The following ASH1L variants were observed in gnomAD, a reference collection of about 807,000 sequenced individuals.
ASH1L encodes the protein ASH1 like histone lysine methyltransferase, also known as histone-lysine N-methyltransferase ASH1L.
ASH1L carries 23 observed loss-of-function variants against 269.0 expected under a neutral mutation model. The observed-to-expected ratio is 0.09, with a 90% CI of 0.06 to 0.12. The LOEUF (loss-of-function observed/expected upper bound fraction) is 0.12. Among genes scored for constraint, ASH1L ranks in the 10% least tolerant of loss-of-function variants. The probability of loss-of-function intolerance (pLI) is 1.00; values close to 1 mark genes in which losing one functional copy is unlikely to be tolerated. For missense variants in ASH1L, 2,912 were observed against 3,567.8 expected (o/e 0.82, Z 4.68); for synonymous variants, 1,187 against 1,253.5 (o/e 0.95, Z 1.12).
chr1:155,481,946 C>A lies in ASH1L; in HGVS notation c.924G>T (p.Leu308=). The change falls in exon 3 of 28, where the codon CTG becomes CTT. Residue 308 remains leucine (L), a synonymous_variant. Coordinates refer to ENST00000392403, the MANE Select transcript of ASH1L (RefSeq NM_018489.3). ...GLVNKDSVKK[L]GTGTTAVFIN... ...TGAATACCGCTGTAGTGCCAGTTCC[C>A]AGTTTTTTCACAGAGTCCTTATTGA... is the stretch of plus-strand genomic sequence containing the variant. The A allele has an allele frequency of 6.2e-7, 1 of 1,613,904 alleles. No homozygotes were observed. The highest frequency in any genetic ancestry group is 8.5e-7 in the Non-Finnish European group (1 of 1,179,982).
intron 2 of ASH1L, among the ~76,000 whole-genome samples, chr1:155,513,327 G>C (rs1368074966): frequency 6.6e-6 from 1 of 151,970 alleles, no homozygotes; most frequent in African/African-American, 2.4e-5. Context: ...AGCACTTTGG[G>C]AGGCTGAGAC....
chr1:155,418,165 C>T (rs1454528416), intron 5 of ASH1L, among the ~76,000 whole-genome samples: 1 of 151,814 alleles, frequency 6.6e-6, no homozygotes, highest in Non-Finnish European at 1.5e-5. Flanking sequence ...GAAAATGTGA[C>T]CCAGGGGAAA....
At chr1:155,482,938 T>C (rs143969411) in intron 2 of ASH1L, among the ~76,000 whole-genome samples, 15 of 152,340 alleles carry the variant, frequency 9.8e-5, no homozygotes, top group African/African-American at 3.1e-4. Context: ...TCTACTCTTT[T>C]ATAACTCATT....
Position 155,521,491 on chromosome 1 carries a change from C to G in ASH1L, c.29G>C (p.Gly10Ala). The G allele has an allele frequency of 6.2e-7, 1 of 1,613,372 alleles. No individual in the cohort carries two copies. Among genetic ancestry groups the G allele is most frequent in the East Asian group, 2.2e-5 (1 of 44,878 alleles). Residue 10 changes from glycine to alanine, a missense_variant, in exon 2 of 28, where the codon GGA becomes GCA. Coordinates refer to ENST00000392403, the MANE Select transcript of ASH1L (RefSeq NM_018489.3). ...AAAACCTTCGGAATCAGAACCCAAT[C>G]CTAACATAGCAGTATTTCTAGGGTC... is the stretch of plus-strand genomic sequence containing the variant. MDPRNTAML[G>A]LGSDSEGFSR...
rs371954131 is a variant in ASH1L at position 155,349,843 on chromosome 1, G to C, written c.7367-247C>G. The stretch of plus-strand genomic sequence containing the variant: ...AGCGATTCTCCTGCCTCAGCCTCCC[G>C]AGCAGCTGGGACTACAGGCGTGTAC... On this transcript the variant is annotated intron_variant, in intron 17 of 27. Coordinates refer to ENST00000392403, the MANE Select transcript of ASH1L (RefSeq NM_018489.3). 2.3e-4 allele frequency among the ~76,000 whole-genome samples: 34 copies of C among 144,842 alleles called. No individual in the cohort carries two copies. In the East Asian group the frequency reaches 6.9e-3, roughly 29 times the overall value.
chr1:155,541,345 T>A (rs1053740900), intron 1 of ASH1L, among the ~76,000 whole-genome samples: 2 of 152,032 alleles, frequency 1.3e-5, no homozygotes, highest in Non-Finnish European at 2.9e-5. Flanking sequence ...ATTATATAAA[T>A]TTTTCAGTTT....
chr1:155,523,001 G>A (rs1668992301), intron 1 of ASH1L, among the ~76,000 whole-genome samples: 1 of 152,072 alleles, frequency 6.6e-6, no homozygotes, highest in African/African-American at 2.4e-5. Flanking sequence ...AGAGACTAGT[G>A]AATATATTAA....
At position 155,415,832 on chromosome 1, in the gene ASH1L, G is replaced by C. The variant is rs1295749516; in HGVS notation, c.5920C>G (p.Leu1974Val). 2 of 1,613,850 alleles carry C rather than the reference G, an allele frequency of 1.2e-6. No homozygotes were observed. The highest frequency in any genetic ancestry group is 1.7e-6 in the Non-Finnish European group (2 of 1,180,002). ...PESTLQPVLS[L>V]IPREKKPPRP... Reference sequence around the variant, plus strand: ...GGGGGCTTCTTTTCCCTTGGGATGAGAGAAAGCACAGGCTGCAAGGTACTT... The same window carrying C: ...GGGGGCTTCTTTTCCCTTGGGATGACAGAAAGCACAGGCTGCAAGGTACTT... Residue 1974 changes from leucine (L) to valine (V), a missense_variant, in exon 6 of 28, where the codon CTC becomes GTC. This residue lies in a region of ASH1L where 193 missense variants were observed against 311.6 expected (regional missense o/e 0.62). Coordinates refer to ENST00000392403, the MANE Select transcript of ASH1L (RefSeq NM_018489.3).
intron 4 of ASH1L, among the ~76,000 whole-genome samples, chr1:155,449,187 G>A (rs1381966202): frequency 6.6e-6 from 1 of 152,100 alleles, no homozygotes; most frequent in South Asian, 2.1e-4. Flanking sequence ...ACTCGCCTTG[G>A]CCTCCCAAAG....
intron 15 of ASH1L, among the ~76,000 whole-genome samples, chr1:155,354,930 T>C (rs1383146854): frequency 1.3e-5 from 2 of 152,194 alleles, no homozygotes; most frequent in African/African-American, 4.8e-5. Context: ...GTTGTCAAGA[T>C]GAAGTAGGGT....
chr1:155,339,390 G>A, intron 25 of ASH1L, 22 bp from the exon 26 acceptor site: 1 of 1,612,834 alleles, frequency 6.2e-7, no homozygotes, highest in Non-Finnish European at 8.5e-7. Flanking sequence ...AAAAGGAAGA[G>A]GTAAGCATAT....
intron 2 of ASH1L, among the ~76,000 whole-genome samples, chr1:155,485,271 C>T (rs1666263979): frequency 6.7e-6 from 1 of 149,470 alleles, no homozygotes; most frequent in South Asian, 2.1e-4. Flanking sequence ...AAAAAAAAAA[C>T]CCAAAACCAA....
chr1:155,463,404 A>G (rs1049990637), intron 3 of ASH1L, among the ~76,000 whole-genome samples: 1 of 152,176 alleles, frequency 6.6e-6, no homozygotes, highest in Non-Finnish European at 1.5e-5. Flanking sequence ...TCCCAAAACG[A>G]GATAATGTAA....
intron 12 of ASH1L, 79 bp from the exon 13 acceptor site, chr1:155,360,488 G>A: frequency 1.2e-6 from 1 of 847,892 alleles, no homozygotes; most frequent in South Asian, 1.4e-5. Flanking sequence ...CTGTTGCCTA[G>A]GCTGGAGTGC....
intron 19 of ASH1L, among the ~76,000 whole-genome samples, chr1:155,348,299 T>A (rs1266041412): frequency 6.6e-6 from 1 of 152,118 alleles, no homozygotes; most frequent in African/African-American, 2.4e-5. Flanking sequence ...GGAAGCTGGG[T>A]TTCAGTAGGA....
chr1:155,469,599 T>C (rs962931154), intron 3 of ASH1L, among the ~76,000 whole-genome samples: 5 of 152,254 alleles, frequency 3.3e-5, no homozygotes, highest in African/African-American at 1.2e-4. Context: ...CTTCAGGTTT[T>C]ACCTCTCCTT....
In ASH1L at chr1:155,562,421, C is replaced by A; in HGVS notation, c.-368G>T. 1 of 1,481,678 alleles carries A rather than the reference C, an allele frequency of 6.7e-7. No homozygotes were observed. Among genetic ancestry groups the A allele is most frequent in the Non-Finnish European group, 9.1e-7 (1 of 1,092,912 alleles). The allele number at this position is 1,481,678 out of a possible 1,614,324, so 91.8% of individuals were successfully genotyped here. ...CCGCAAAGCGAACCCAAAATGGCGG[C>A]GGGAGCGGCGGCGGCGGCGGCGGCA... On this transcript the variant is annotated 5_prime_UTR_variant, in exon 1 of 28. Coordinates refer to ENST00000392403, the MANE Select transcript of ASH1L (RefSeq NM_018489.3).
At chr1:155,430,280 TATGTATTCTCTTTAG>T (rs1053828351) in intron 5 of ASH1L, among the ~76,000 whole-genome samples, 2 of 152,048 alleles carry the variant, frequency 1.3e-5, no homozygotes, top group Non-Finnish European at 2.9e-5. Context: ...CTGGCCTGTT[TATGTATTCTCTTTAG>T]ATGTATCCTC....
chr1:155,487,061 A>C (rs975563618), intron 2 of ASH1L, among the ~76,000 whole-genome samples: 3 of 152,190 alleles, frequency 2.0e-5, no homozygotes, highest in African/African-American at 7.2e-5. Context: ...GCTACTCGGA[A>C]GGCTGAGGCA....
Sources: allele counts gnomAD v4.1 joint callset (sites outside exome capture counted in the v4.1 genomes callset), GRCh38; gene constraint gnomAD v4.1.1; regional missense constraint gnomAD v4.1.1; transcripts MANE v1.5; gene names NCBI Gene and HGNC (gene_info 2026-07-23, HGNC 2026-07-21).